FHIT: variants seen among roughly 807,000 people sequenced by gnomAD.
The protein encoded by FHIT is fragile histidine triad diadenosine triphosphatase.
Under a neutral mutation model 17.9 loss-of-function variants are expected in FHIT, and 19 were observed. The ratio of observed to expected loss-of-function variants is 1.06; its 90% CI spans 0.74 to 1.56. The LOEUF (loss-of-function observed/expected upper bound fraction) is 1.56, where lower values mean the gene tolerates loss of function less well. Ranked by LOEUF, FHIT falls within the 40% of genes most tolerant of loss-of-function variation. The pLI, the probability that FHIT is intolerant of heterozygous loss-of-function variation, is 0.00. For missense variants in FHIT, 248 were observed against 189.2 expected, an observed-to-expected ratio of 1.31 and a Z score of -1.82; for synonymous variants, 81 against 69.7, an observed-to-expected ratio of 1.16 and a Z score of -0.81.
intron 5 of FHIT, among the ~76,000 whole-genome samples, chr3:60,163,920 G>A (rs1277209560): frequency 6.6e-6 from 1 of 152,094 alleles, no homozygotes; most frequent in Non-Finnish European, 1.5e-5. Flanking sequence ...AGCACAGGAT[G>A]TGCTTCTGTC....
intron 4 of FHIT, among the ~76,000 whole-genome samples, chr3:60,803,062 A>T (rs1701250831): frequency 6.6e-6 from 1 of 152,182 alleles, no homozygotes; most frequent in Non-Finnish European, 1.5e-5. Flanking sequence ...TCAACTGTTG[A>T]TGGCATCACC....
chr3:60,725,504 T>C (rs2107973930), intron 4 of FHIT, among the ~76,000 whole-genome samples: 1 of 152,310 alleles, frequency 6.6e-6, no homozygotes, highest in South Asian at 2.1e-4. Flanking sequence ...CTTTTGTGTG[T>C]GGATATCCAG....
At chr3:60,040,838 T>C (rs1167945261) in intron 5 of FHIT, among the ~76,000 whole-genome samples, 3 of 152,042 alleles carry the variant, frequency 2.0e-5, no homozygotes, top group Non-Finnish European at 4.4e-5. Flanking sequence ...CTTTGAGAGA[T>C]TCAAGACTGG....
chr3:60,895,578 T>C (rs1276379451), intron 3 of FHIT, among the ~76,000 whole-genome samples: 1 of 152,172 alleles, frequency 6.6e-6, no homozygotes, highest in East Asian at 1.9e-4. Flanking sequence ...ACTCTATTAT[T>C]TCTTTCACAG....
intron 2 of FHIT, among the ~76,000 whole-genome samples, chr3:61,066,362 T>C (rs6446186): frequency 0.55 from 83,859 of 151,954 alleles, 24,229 homozygotes; most frequent in Non-Finnish European, 0.65. Flanking sequence ...ACCTATAACC[T>C]CAGCACTTTG....
intron 5 of FHIT, among the ~76,000 whole-genome samples, chr3:60,455,465 T>G (rs1287672735): frequency 6.6e-6 from 1 of 152,104 alleles, no homozygotes; most frequent in East Asian, 1.9e-4. Flanking sequence ...ACCAACCAAA[T>G]GAACCAATTA....
chr3:59,854,045 C>A (rs2106806435), intron 8 of FHIT, among the ~76,000 whole-genome samples: 1 of 152,068 alleles, frequency 6.6e-6, no homozygotes, highest in Non-Finnish European at 1.5e-5. Flanking sequence ...CAAAAACAAA[C>A]AAAAAACAAC....
intron 5 of FHIT, among the ~76,000 whole-genome samples, chr3:60,502,233 TTA>T (rs2034553671): frequency 6.6e-6 from 1 of 152,122 alleles, no homozygotes; most frequent in African/African-American, 2.4e-5. Context: ...GCCTTCTAAG[TTA>T]TTAATCCCAG....
rs887933667 is a variant in FHIT, at chr3:61,133,282, G to A, written c.-164+67335C>T. Among the ~76,000 whole-genome samples, 3 of 152,126 alleles carry A rather than the reference G, an allele frequency of 2.0e-5. No homozygotes were observed. In the South Asian group the frequency reaches 6.2e-4, roughly 32 times the overall value. Reference sequence around the variant, plus strand: ...CTACCAGATTGTGAACCTCTTGAGGGTACAACCATGTCTGTTTTGTGGTTC... The same window carrying A: ...CTACCAGATTGTGAACCTCTTGAGGATACAACCATGTCTGTTTTGTGGTTC... On this transcript the variant is annotated intron_variant, in intron 2 of 9. Coordinates refer to ENST00000492590, the MANE Select transcript of FHIT (RefSeq NM_002012.4).
rs138896431 is a variant in FHIT at position 61,168,478 on chromosome 3, T to C, written c.-164+32139A>G. Reference sequence around the variant, plus strand: ...GTTGCCTGAGGCACAACTTTCTCAATTTCACCTGAAGGTTTCATTTTTCTG... The same window carrying C: ...GTTGCCTGAGGCACAACTTTCTCAACTTCACCTGAAGGTTTCATTTTTCTG... On this transcript the variant is annotated intron_variant, in intron 2 of 9. Coordinates refer to ENST00000492590, the MANE Select transcript of FHIT (RefSeq NM_002012.4). 6.1e-3 allele frequency among the ~76,000 whole-genome samples: 929 copies of C among 152,320 alleles called. 4 individuals carry two copies. Among genetic ancestry groups the C allele is most frequent in the Middle Eastern group, 0.014 (4 of 294 alleles).
intron 5 of FHIT, among the ~76,000 whole-genome samples, chr3:60,295,634 G>A (rs192667359): frequency 1.3e-5 from 2 of 152,026 alleles, no homozygotes; most frequent in African/African-American, 4.8e-5. Context: ...TCTAACAGTG[G>A]GGATCAAATT....
chr3:60,278,273 G>T (rs1175789383), intron 5 of FHIT, among the ~76,000 whole-genome samples: 2 of 152,126 alleles, frequency 1.3e-5, no homozygotes, highest in South Asian at 4.2e-4. Flanking sequence ...TAACCATTTT[G>T]GAAGTTTCCC....
intron 5 of FHIT, among the ~76,000 whole-genome samples, chr3:60,456,445 G>A (rs939708521): frequency 5.3e-5 from 8 of 152,110 alleles, no homozygotes; most frequent in African/African-American, 1.9e-4. Context: ...CACACTTTGG[G>A]GAACACTATG....
rs117609602 is a variant in FHIT at position 60,875,843 on chromosome 3, A to G, written c.-110-53832T>C. Among the ~76,000 whole-genome samples, 7 of 152,092 alleles carry G rather than the reference A, an allele frequency of 4.6e-5. No homozygotes were observed. In the East Asian group the frequency reaches 1.4e-3, roughly 29 times the overall value. ...TATGCAGGTAGTAAGTAGCAGACAT[A>G]GAATTGAGAAGACAGCCCCCATTCT... is the stretch of plus-strand genomic sequence containing the variant. On this transcript the variant is annotated intron_variant, in intron 3 of 9. Transcript: ENST00000492590.
chr3:60,862,506 C>A lies in FHIT; in HGVS notation c.-110-40495G>T, dbSNP rs1205041817. Among the ~76,000 whole-genome samples, 3 of 152,036 alleles carry A rather than the reference C, an allele frequency of 2.0e-5. No homozygotes were observed. In the East Asian group the frequency reaches 5.8e-4, roughly 29 times the overall value. On this transcript the variant is annotated intron_variant, in intron 3 of 9. Coordinates refer to ENST00000492590, the MANE Select transcript of FHIT (RefSeq NM_002012.4). ...ATTTTTCAAACAGCTTAAACACAGT[C>A]ATGAATTGACCACTGCAATAGGCAG...
intron 3 of FHIT, among the ~76,000 whole-genome samples, chr3:60,952,385 G>A (rs1201138392): frequency 6.6e-6 from 1 of 152,014 alleles, no homozygotes; most frequent in African/African-American, 2.4e-5. Context: ...CGTTTGTTCT[G>A]GTGTCTGTGT....
At chr3:60,838,150 A>C (rs1282943475) in intron 3 of FHIT, among the ~76,000 whole-genome samples, 1 of 152,086 alleles carries the variant, frequency 6.6e-6, no homozygotes, top group Non-Finnish European at 1.5e-5. Flanking sequence ...TCCAGGCTGG[A>C]GAGTGCAGTG....
chr3:60,314,428 C>T (rs574711825), intron 5 of FHIT, among the ~76,000 whole-genome samples: 2 of 152,186 alleles, frequency 1.3e-5, no homozygotes, highest in South Asian at 4.2e-4. Flanking sequence ...TAAAATAAAA[C>T]TCAAAGCCCA....
chr3:60,399,510 G>C (rs189760745), intron 5 of FHIT, among the ~76,000 whole-genome samples: 12 of 152,282 alleles, frequency 7.9e-5, no homozygotes, highest in African/African-American at 2.9e-4. Context: ...ATTTTGGACT[G>C]CTTTTGTCTT....
Sources: allele counts gnomAD v4.1 joint callset (sites outside exome capture counted in the v4.1 genomes callset), GRCh38; gene constraint gnomAD v4.1.1; transcripts MANE v1.5; gene names NCBI Gene and HGNC (gene_info 2026-07-23, HGNC 2026-07-21).